ZFHX3: variants seen among roughly 807,000 people sequenced by gnomAD.
The protein encoded by ZFHX3 is zinc finger homeobox protein 3.
Under a neutral mutation model 279.1 loss-of-function variants are expected in ZFHX3, and 42 were observed. The ratio of observed to expected loss-of-function variants is 0.15; its 90% CI spans 0.12 to 0.19. The LOEUF (loss-of-function observed/expected upper bound fraction) is 0.19. Among genes scored for constraint, ZFHX3 ranks in the 10% least tolerant of loss-of-function variants. The pLI, the probability that ZFHX3 is intolerant of heterozygous loss-of-function variation, is 1.00. For missense variants in ZFHX3, 4,981 were observed against 4,754.0 expected (o/e 1.05, Z -1.40); for synonymous variants, 2,293 against 1,957.8 (o/e 1.17, Z -4.52).
chr16:72,936,397 AC>A (rs1176296400), intron 3 of ZFHX3, among the ~76,000 whole-genome samples: 1 of 152,256 alleles, frequency 6.6e-6, no homozygotes, highest in Non-Finnish European at 1.5e-5. Flanking sequence ...TTGGCAGACA[AC>A]TAAATTAATG....
chr16:73,176,084 T>A (rs1967657443), intron 5 of ZFHX3, among the ~76,000 whole-genome samples: 1 of 152,226 alleles, frequency 6.6e-6, no homozygotes, highest in African/African-American at 2.4e-5. Context: ...TCTCATCCTT[T>A]GGCATTATTG....
chr16:73,470,720 G>A (rs943780085), intron 2 of ZFHX3, among the ~76,000 whole-genome samples: 1 of 152,152 alleles, frequency 6.6e-6, no homozygotes, highest in African/African-American at 2.4e-5. Flanking sequence ...TTTCAGCGTG[G>A]CACACAGGAA....
intron 3 of ZFHX3, among the ~76,000 whole-genome samples, chr16:72,890,356 G>C (rs976198941): frequency 6.6e-6 from 1 of 152,114 alleles, no homozygotes; most frequent in African/African-American, 2.4e-5. Context: ...TGCCATTATT[G>C]TAAGTTTCCT....
chr16:72,970,498 T>C (rs1208902493), intron 1 of ZFHX3, among the ~76,000 whole-genome samples: 1 of 152,066 alleles, frequency 6.6e-6, no homozygotes, highest in Non-Finnish European at 1.5e-5. Context: ...GCTCCTGACT[T>C]GGATTTAATT....
chr16:73,673,593 A>G (rs200589857), intron 2 of ZFHX3, among the ~76,000 whole-genome samples: 1 of 25,944 alleles, frequency 3.9e-5, no homozygotes, highest in Non-Finnish European at 1.3e-4. Context: ...ATGAGAAACT[A>G]GACTATTTTT....
chr16:73,049,194 T>C (rs1965404295), upstream of ZFHX3, among the ~76,000 whole-genome samples: 1 of 152,206 alleles, frequency 6.6e-6, no homozygotes, highest in South Asian at 2.1e-4. Context: ...GGAAGTCCTC[T>C]GTCCTCCCTG....
chr16:73,059,633 G>A (rs1965655860), exon 1 of ZFHX3: 1 of 151,162 alleles, frequency 6.6e-6, no homozygotes, highest in African/African-American at 2.4e-5. Flanking sequence ...ATTAGTGGAG[G>A]GGGACAGCTT....
At chr16:73,493,367 C>G (rs1392207424) in intron 2 of ZFHX3, among the ~76,000 whole-genome samples, 1 of 152,184 alleles carries the variant, frequency 6.6e-6, no homozygotes, top group Non-Finnish European at 1.5e-5. Flanking sequence ...ACATGGCCAA[C>G]CAATTTTTCA....
chr16:73,248,428 T>G (rs1429166112), intron 5 of ZFHX3, among the ~76,000 whole-genome samples: 4 of 148,040 alleles, frequency 2.7e-5, no homozygotes, highest in East Asian at 2.0e-4. Context: ...TAATGTGTCT[T>G]TGTGTCTATG....
At chr16:73,515,082 C>T (rs546898166) in intron 2 of ZFHX3, among the ~76,000 whole-genome samples, 5 of 152,134 alleles carry the variant, frequency 3.3e-5, no homozygotes, top group Non-Finnish European at 7.3e-5. Context: ...TGCTCCTTCC[C>T]AGAATGTTTA....
chr16:73,008,550 T>G (rs77326769), intron 1 of ZFHX3, among the ~76,000 whole-genome samples: 3,953 of 152,280 alleles, frequency 0.026, 84 homozygotes, highest in East Asian at 0.057. Context: ...ATAACCACCA[T>G]TGGTCCTGGG....
chr16:73,390,072 AAAAAATAAAAAAAT>A (rs1464786194), intron 3 of ZFHX3, among the ~76,000 whole-genome samples: 6 of 152,130 alleles, frequency 3.9e-5, no homozygotes, highest in African/African-American at 1.4e-4. Flanking sequence ...AAAAATAAAT[AAAAAATAAAAAAAT>A]AAAGCATCAA....
intron 2 of ZFHX3, among the ~76,000 whole-genome samples, chr16:73,527,193 C>T (rs2019710640): frequency 6.6e-6 from 1 of 152,038 alleles, no homozygotes; most frequent in South Asian, 2.1e-4. Context: ...TTTGATTTCC[C>T]AGAAATCCAT....
intron 3 of ZFHX3, among the ~76,000 whole-genome samples, chr16:73,427,495 C>T (rs1052378471): frequency 6.6e-6 from 1 of 152,180 alleles, no homozygotes; most frequent in African/African-American, 2.4e-5. Flanking sequence ...ATAGCCTCTT[C>T]CCAGCTTGCA....
intron 1 of ZFHX3, among the ~76,000 whole-genome samples, chr16:73,786,204 T>G (rs1285929427): frequency 6.6e-6 from 1 of 152,088 alleles, no homozygotes; most frequent in Non-Finnish European, 1.5e-5. Context: ...CATCCTACTC[T>G]TATTTCATGG....
At chr16:73,608,217 T>C (rs1173605798) in intron 2 of ZFHX3, among the ~76,000 whole-genome samples, 1 of 152,238 alleles carries the variant, frequency 6.6e-6, no homozygotes, top group African/African-American at 2.4e-5. Flanking sequence ...AGCACTTCTT[T>C]GTCCACAAAC....
At position 72,872,875 on chromosome 16, in the gene ZFHX3, T is replaced by C. The variant is rs56078408; in HGVS notation, c.3448+16856A>G. Among the ~76,000 whole-genome samples the C allele has an allele frequency of 6.4e-3, 980 of 152,332 alleles. 17 individuals carry two copies. The South Asian group carries it at 0.07, about 11-fold the overall frequency. On this transcript the variant is annotated intron_variant, in intron 4 of 9. Transcript: ENST00000268489. ...TCCGAAAGATGGAAGAAAATGGGAT[T>C]GCAATTTTTGGCCCTGCCCAAGATC...
intron 2 of ZFHX3, among the ~76,000 whole-genome samples, chr16:73,620,347 T>C (rs910850684): frequency 2.6e-5 from 4 of 152,214 alleles, no homozygotes; most frequent in African/African-American, 9.6e-5. Context: ...TAAATATTGT[T>C]CTTATGGCAA....
intron 1 of ZFHX3, among the ~76,000 whole-genome samples, chr16:73,055,620 A>T (rs1227073744): frequency 6.6e-6 from 1 of 151,666 alleles, no homozygotes; most frequent in Non-Finnish European, 1.5e-5. Flanking sequence ...GGGGTGGGGG[A>T]AGTAAGTGCA....
Sources: gnomAD v4.1 joint callset for allele counts (sites outside exome capture counted in the v4.1 genomes callset) on GRCh38, gnomAD v4.1.1 for gene constraint, MANE v1.5 for transcripts, NCBI Gene and HGNC (gene_info 2026-07-23, HGNC 2026-07-21) for gene names.